Variants in SMS observed in about 807,000 individuals in gnomAD.
SMS encodes spermidine aminopropyltransferase.
In SMS, 3 loss-of-function variants were observed where a neutral mutation model predicts 33.0. The observed-to-expected ratio is 0.09, with a 90% CI of 0.04 to 0.23. SMS has a LOEUF of 0.23. SMS is among the 10% of genes least tolerant of loss of function. The pLI is 1.00. For missense variants in SMS, 117 were observed against 288.6 expected (o/e 0.41, Z 4.31); for synonymous variants, 103 against 112.2 (o/e 0.92, Z 0.52).
intron 1 of SMS, among the ~76,000 whole-genome samples, chrX:21,965,293 A>G (rs761119565): frequency 9.0e-6 from 1 of 111,431 alleles, no homozygotes; most frequent in African/African-American, 3.3e-5. Context: ...ACAGTGGGAG[A>G]GAGTGAAATC....
intron 1 of SMS, among the ~76,000 whole-genome samples, chrX:21,955,142 T>G (rs1019814097): frequency 8.9e-6 from 1 of 112,255 alleles, no homozygotes; most frequent in Non-Finnish European, 1.9e-5. Context: ...GGCCTTGAAT[T>G]ATTTTTAAAC....
Position 21,972,574 on chromosome X carries a change from A to G in SMS, c.329+3A>G. On this transcript the variant is annotated splice_donor_region_variant and intron_variant, in intron 4 of 10. Coordinates refer to ENST00000404933, the MANE Select transcript of SMS (RefSeq NM_004595.5). ...GACAGTACTGGGCGGGTGAAACGGT[A>G]AGTCCACTCTTGAATGTCCTTTTAT... is the stretch of plus-strand genomic sequence containing the variant. 1.7e-6 allele frequency: 2 copies of G among 1,146,720 alleles called. No individual in the cohort carries two copies. Among genetic ancestry groups the G allele is most frequent in the South Asian group, 1.8e-5 (1 of 55,472 alleles). The allele number at this position is 1,146,720 out of a possible 1,213,427, so 94.5% of individuals were successfully genotyped here.
Position 21,967,184 on chromosome X carries a change from C to G in SMS, c.50-12C>G. On this transcript the variant is annotated splice_polypyrimidine_tract_variant and intron_variant, in intron 1 of 10. Coordinates refer to ENST00000404933, the MANE Select transcript of SMS (RefSeq NM_004595.5). ...TTTCTGACCATCTTGCCTTCTTCCC[C>G]TTGTTCTCCAGCTGATGGTGAGACC... 2.5e-6 allele frequency: 3 copies of G among 1,208,384 alleles called. No individual in the cohort carries two copies. The East Asian group carries it at 8.9e-5, about 36-fold the overall frequency.
At chrX:21,980,106 A>G (rs181087995) in intron 7 of SMS, among the ~76,000 whole-genome samples, 1 of 110,887 alleles carries the variant, frequency 9.0e-6, no homozygotes, top group Non-Finnish European at 1.9e-5. Flanking sequence ...ATTATGCTCA[A>G]GTAGGATTTA....
intron 1 of SMS, among the ~76,000 whole-genome samples, chrX:21,949,009 C>T (rs1922428352): frequency 8.9e-6 from 1 of 112,172 alleles, no homozygotes; most frequent in Admixed American, 9.4e-5. Flanking sequence ...CCAGGAAAAA[C>T]AACCCTGCGG....
chrX:21,962,298 A>G (rs950586083), intron 1 of SMS, among the ~76,000 whole-genome samples: 7 of 112,297 alleles, frequency 6.2e-5, no homozygotes, highest in African/African-American at 2.3e-4. Flanking sequence ...TCATTTTACA[A>G]GTTCCATACT....
chrX:21,965,617 G>A (rs1162850550), intron 1 of SMS, among the ~76,000 whole-genome samples: 1 of 102,973 alleles, frequency 9.7e-6, no homozygotes, highest in East Asian at 3.0e-4. Context: ...GCGTGGTGGC[G>A]GGCGCCTGTA....
rs1020507479 is a variant in SMS, at chrX:21,978,003, C to T, written c.549C>T (p.Gly183=). 3 of 1,206,943 alleles carry T rather than the reference C, an allele frequency of 2.5e-6. No homozygotes were observed. The highest frequency in any genetic ancestry group is 3.4e-6 in the Non-Finnish European group (3 of 892,525). The change falls in exon 6 of 11, where the codon GGC becomes GGT. Residue 183 remains glycine (G), a synonymous_variant. Coordinates refer to ENST00000404933, the MANE Select transcript of SMS (RefSeq NM_004595.5). ...TGGCATATACCCGGGCCATCATGGG[C>T]AGTGGCAAAGAAGATTACACTGGCA... is the stretch of plus-strand genomic sequence containing the variant. ...SDLAYTRAIM[G]SGKEDYTGKD...
intron 8 of SMS, 95 bp downstream of exon 8, chrX:21,984,513 G>A: frequency 1.6e-6 from 1 of 622,810 alleles, no homozygotes. Flanking sequence ...GTTCTCTCAC[G>A]TTTTTGAAAA....
In SMS at chrX:21,984,369, T is replaced by C. The variant is rs368959686; in HGVS notation, c.816T>C (p.Tyr272=). The C allele has an allele frequency of 3.1e-5, 37 of 1,196,275 alleles. No homozygotes were observed. In the South Asian group the frequency reaches 5.5e-4, roughly 18 times the overall value. The change falls in exon 8 of 11, where the codon TAT becomes TAC. Residue 272 remains tyrosine (Y), a synonymous_variant. Transcript: ENST00000404933. ...RYAKEGREFD[Y]VINDLTAVPI... The stretch of plus-strand genomic sequence containing the variant: ...CCAAAGAAGGGAGAGAATTTGATTA[T>C]GTGATTAATGATTTGACAGCTGTTC...
intron 4 of SMS, among the ~76,000 whole-genome samples, chrX:21,975,817 G>A (rs1438477283): frequency 3.6e-5 from 4 of 110,820 alleles, no homozygotes; most frequent in Non-Finnish European, 5.7e-5. Flanking sequence ...AGAAAGCCTT[G>A]TTAACTTGTA....
Position 21,940,871 on chromosome X carries a change from A to C in SMS, c.47A>C (p.Lys16Thr). 1 of 1,089,053 alleles carries C rather than the reference A, an allele frequency of 9.2e-7. No individual in the cohort carries two copies. Among genetic ancestry groups the C allele is most frequent in the Non-Finnish European group, 1.2e-6 (1 of 835,926 alleles). The allele number at this position is 1,089,053 out of a possible 1,213,427, so 89.8% of individuals were successfully genotyped here. Residue 16 changes from lysine (K) to threonine (T), a missense_variant and splice_region_variant, in exon 1 of 11, where the codon AAA becomes ACA. Coordinates refer to ENST00000404933, the MANE Select transcript of SMS (RefSeq NM_004595.5). ...HSTLDFMLGAKADGETILKGL... is the reference protein window; with the variant it reads ...HSTLDFMLGATADGETILKGL... ...ACGCTCGACTTCATGCTCGGCGCCA[A>C]AGGTGAGGGCGCCCGCCGCCACCTG...
chrX:21,961,034 C>CTTTTTTTTTTTTT (rs773159264), intron 1 of SMS, among the ~76,000 whole-genome samples: 1 of 41,728 alleles, frequency 2.4e-5, no homozygotes, highest in Non-Finnish European at 4.1e-5. Context: ...ATATGCATGT[C>CTTTTTTTTTTTTT]TTTTTTTTTT....
intron 1 of SMS, among the ~76,000 whole-genome samples, chrX:21,941,637 A>G (rs753075648): frequency 3.6e-5 from 4 of 110,646 alleles, no homozygotes; most frequent in Non-Finnish European, 5.7e-5. Context: ...CTGTAATCCT[A>G]GCACTTTGGG....
intron 1 of SMS, among the ~76,000 whole-genome samples, chrX:21,946,409 T>C (rs779607827): frequency 2.7e-5 from 3 of 112,897 alleles, no homozygotes; most frequent in Non-Finnish European, 5.6e-5. Context: ...CTAAGTGCCC[T>C]GAGTGCTTTG....
At chrX:21,960,265 G>A (rs1221934755) in intron 1 of SMS, among the ~76,000 whole-genome samples, 3 of 110,888 alleles carry the variant, frequency 2.7e-5, no homozygotes, top group Non-Finnish European at 3.8e-5. Context: ...TTTTGATAGT[G>A]AGGTATGAAA....
rs746066538 is a variant in SMS, at chrX:21,965,516, G to A, written c.50-1680G>A. 8.9e-5 allele frequency among the ~76,000 whole-genome samples: 9 copies of A among 101,014 alleles called. No homozygotes were observed. The South Asian group carries it at 1.8e-3, about 20-fold the overall frequency. The allele number at this position is 101,014 out of a possible 115,157, so 87.7% of individuals were successfully genotyped here. A position where few individuals can be genotyped will look rare whatever the true frequency, so the allele number is the denominator to read the frequency against. ...TAGTTGGACATGGGCCGGGCGCGGC[G>A]GATCACAAGGTCAGGAGATTGAGAC... On this transcript the variant is annotated intron_variant, in intron 1 of 10. Coordinates refer to ENST00000404933, the MANE Select transcript of SMS (RefSeq NM_004595.5).
chrX:21,987,026 G>C (rs752868745), intron 9 of SMS, among the ~76,000 whole-genome samples: 2 of 94,848 alleles, frequency 2.1e-5, no homozygotes, highest in African/African-American at 8.6e-5. Flanking sequence ...ATGGAGTTGC[G>C]CTCTTGTTTC....
At chrX:21,984,506 C>A in intron 8 of SMS, 88 bp downstream of exon 8, 1 of 644,633 alleles carries the variant, frequency 1.6e-6, no homozygotes, top group Non-Finnish European at 2.6e-6. Context: ...TTGTGTAGTT[C>A]TCTCACGTTT....
Sources: allele counts gnomAD v4.1 joint callset (sites outside exome capture counted in the v4.1 genomes callset), GRCh38; gene constraint gnomAD v4.1.1; transcripts MANE v1.5; gene names NCBI Gene and HGNC (gene_info 2026-07-23, HGNC 2026-07-21).